The following EXPH5 variants were observed in gnomAD, a reference collection of about 807,000 sequenced individuals.
The protein encoded by EXPH5 is exophilin 5.
EXPH5 carries 42 observed loss-of-function variants against 41.1 expected under a neutral mutation model. That is an observed-to-expected ratio of 1.02 (90% CI 0.80 to 1.32). EXPH5 has a LOEUF of 1.32. Ranked by LOEUF, EXPH5 falls within the 40% of genes most tolerant of loss-of-function variation. The probability of loss-of-function intolerance (pLI) is 0.00; values close to 1 mark genes in which losing one functional copy is unlikely to be tolerated. For synonymous variants in EXPH5, 798 were observed against 833.5 expected (o/e 0.96, Z 0.73); for missense variants, 2,298 against 2,314.5 (o/e 0.99, Z 0.15).
At chr11:108,531,149 C>T (rs1443667790) in intron 3 of EXPH5, among the ~76,000 whole-genome samples, 2 of 152,198 alleles carry the variant, frequency 1.3e-5, no homozygotes, top group South Asian at 2.1e-4. Flanking sequence ...TCACCACCTC[C>T]AGTCATTCTG....
chr11:108,523,221 A>G (rs2093776559), intron 4 of EXPH5, among the ~76,000 whole-genome samples: 2 of 152,120 alleles, frequency 1.3e-5, no homozygotes, highest in Admixed American at 1.3e-4. Flanking sequence ...TATTTTTAAT[A>G]TACTTAAAAA....
chr11:108,538,976 T>C, intron 3 of EXPH5, 48 bp downstream of exon 3: 1 of 1,459,594 alleles, frequency 6.9e-7, no homozygotes, highest in Non-Finnish European at 9.2e-7. Flanking sequence ...TGCTGGCCTC[T>C]GATATCGGAT....
intron 1 of EXPH5, among the ~76,000 whole-genome samples, chr11:108,585,922 T>A (rs899057603): frequency 1.3e-5 from 2 of 152,316 alleles, no homozygotes; most frequent in African/African-American, 2.4e-5. Flanking sequence ...TATAAAGGAA[T>A]GAATTATTTA....
In EXPH5 at chr11:108,512,056, C is replaced by T; in HGVS notation, c.3451G>A (p.Glu1151Lys). 1.2e-6 allele frequency: 2 copies of T among 1,606,378 alleles called. No individual in the cohort carries two copies. Among genetic ancestry groups the T allele is most frequent in the Non-Finnish European group, 1.7e-6 (2 of 1,177,322 alleles). Residue 1151 changes from glutamate to lysine, a missense_variant, in exon 6 of 6, where the codon GAG becomes AAG. Glu to Lys is a moderately conservative substitution (Grantham distance 56, BLOSUM62 1). Transcript: ENST00000265843. ...CTCTCCCAAGCCCTTGGTGTTAGCT[C>T]AGAAGCATCCATGCCTGAGGTCAAT... ...KPLTSGMDAS[E>K]LTPRAWERII...
chr11:108,569,526 G>C (rs11212711), intron 1 of EXPH5, among the ~76,000 whole-genome samples: 64,533 of 151,806 alleles, frequency 0.43, 16,577 homozygotes, highest in Non-Finnish European at 0.59. Context: ...TTTGAGTAGA[G>C]ACAGGGGTTT....
chr11:108,541,804 T>G lies in EXPH5; in HGVS notation c.128A>C (p.Gln43Pro). 1 of 1,587,638 alleles carries G rather than the reference T, an allele frequency of 6.3e-7. No individual in the cohort carries two copies. The highest frequency in any genetic ancestry group is 1.7e-4 in the Middle Eastern group (1 of 5,888). Reference sequence around the variant, plus strand: ...CCATCTGATATCCCTCTTTGTCTTCTGAAGTTTGCTGAAATAAAATAAAAC... The same window carrying G: ...CCATCTGATATCCCTCTTTGTCTTCGGAAGTTTGCTGAAATAAAATAAAAC... ...RAEKDRISKL[Q>P]KTKRDIRWLQ... Residue 43 changes from glutamine (Q) to proline (P), a missense_variant, in exon 2 of 6, where the codon CAG (glutamine) becomes CCG (proline). Transcript: ENST00000265843.
intron 1 of EXPH5, among the ~76,000 whole-genome samples, chr11:108,566,352 G>A (rs2094034395): frequency 1.3e-5 from 2 of 152,152 alleles, no homozygotes; most frequent in Non-Finnish European, 2.9e-5. Context: ...GGTGTGCATG[G>A]AGGGGGGTGG....
At chr11:108,531,701 C>T (rs993643272) in intron 3 of EXPH5, among the ~76,000 whole-genome samples, 4 of 152,128 alleles carry the variant, frequency 2.6e-5, no homozygotes, top group African/African-American at 4.8e-5. Context: ...TGGGTGATTT[C>T]CCCCCAAGTG....
chr11:108,511,795 A>T lies in EXPH5; in HGVS notation c.3712T>A (p.Ser1238Thr), dbSNP rs1374150461. The change falls in exon 6 of 6, where the codon TCT becomes ACT. Residue 1238 changes from serine to threonine, a missense_variant. Transcript: ENST00000265843. ...KVKTTSTFSV[S>T]GDEDNVKCLE... ...CATTTTACATTATCTTCATCACCAG[A>T]AACAGAAAACGTACTAGTCGTCTTA... 4 of 1,609,630 alleles carry T rather than the reference A, an allele frequency of 2.5e-6. No individual in the cohort carries two copies. The highest frequency in any genetic ancestry group is 3.4e-6 in the Non-Finnish European group (4 of 1,179,010).
chr11:108,593,821 C>T, upstream of EXPH5: 1 of 1,379,192 alleles, frequency 7.3e-7, no homozygotes. Flanking sequence ...GCGGGCCCTC[C>T]CTTGTCCCCT....
the EXPH5 span, among the ~76,000 whole-genome samples, chr11:108,601,384 T>C: frequency 6.6e-6 from 1 of 152,114 alleles, no homozygotes. Flanking sequence ...ACTTAACATA[T>C]AAAGAAATAC....
In EXPH5 at chr11:108,573,756, AAT is replaced by A. The variant is rs373476114; in HGVS notation, c.119+19660_119+19661del. Reference sequence around the variant, plus strand: ...TTACATTAAAAATTAAGACGAAGTGAATATTACTCTAATCTCTAGATGAGAAG... The same window carrying A: ...TTACATTAAAAATTAAGACGAAGTGAATTACTCTAATCTCTAGATGAGAAG... On this transcript the variant is annotated intron_variant, in intron 1 of 5. Coordinates refer to ENST00000265843, the MANE Select transcript of EXPH5 (RefSeq NM_015065.3). Among the ~76,000 whole-genome samples the A allele has an allele frequency of 1.2e-4, 18 of 152,340 alleles. No individual in the cohort carries two copies. The South Asian group carries it at 3.7e-3, about 32-fold the overall frequency.
At chr11:108,593,842 CTCCCTCGTCTCGTCCCG>C (rs1209263516), upstream of EXPH5, 65 of 1,140,082 alleles carry the variant, frequency 5.7e-5, no homozygotes, top group Admixed American at 3.8e-4. Flanking sequence ...CCCTCGTCCC[CTCCCTCGTCTCGTCCCG>C]TCCCTCGTCC....
At chr11:108,517,425 C>A (rs1052857057) in intron 5 of EXPH5, among the ~76,000 whole-genome samples, 27 of 152,244 alleles carry the variant, frequency 1.8e-4, no homozygotes, top group Admixed American at 2.6e-4. Context: ...CGACTGCTGT[C>A]CCACACAATA....
chr11:108,532,339 GATATATATATATATAT>G (rs761444200), intron 3 of EXPH5, among the ~76,000 whole-genome samples: 42 of 23,436 alleles, frequency 1.8e-3, no homozygotes, highest in African/African-American at 2.9e-3. Context: ...CACCACACTG[GATATATATATATATAT>G]ATATATATAT....
intron 1 of EXPH5, among the ~76,000 whole-genome samples, chr11:108,566,004 G>A (rs1449903523): frequency 6.6e-6 from 1 of 152,198 alleles, no homozygotes; most frequent in Non-Finnish European, 1.5e-5. Flanking sequence ...ACCATAATGA[G>A]CACTTAAATG....
rs532240962 is a variant in EXPH5 at position 108,588,494 on chromosome 11, A to G, written c.119+4924T>C. On this transcript the variant is annotated intron_variant, in intron 1 of 5. Coordinates refer to ENST00000265843, the MANE Select transcript of EXPH5 (RefSeq NM_015065.3). ...GATTATGTACAGATGGAGTTCCCAA[A>G]TCGGACACTCCCTAGCAGTATTATC... 2.0e-5 allele frequency among the ~76,000 whole-genome samples: 3 copies of G among 152,314 alleles called. No individual in the cohort carries two copies. In the East Asian group the frequency reaches 5.8e-4, roughly 29 times the overall value.
intron 1 of EXPH5, among the ~76,000 whole-genome samples, chr11:108,560,475 C>T (rs1591739432): frequency 6.6e-6 from 1 of 152,268 alleles, no homozygotes; most frequent in African/African-American, 2.4e-5. Flanking sequence ...CACTCCACCT[C>T]ATCAGAAATT....
At chr11:108,537,906 C>T in intron 3 of EXPH5, 2 of 846,458 alleles carry the variant, frequency 2.4e-6, no homozygotes, top group Non-Finnish European at 2.8e-6. Context: ...ATTTTAAATC[C>T]CCCAAATGTG....
Sources: gnomAD v4.1 joint callset for allele counts (sites outside exome capture counted in the v4.1 genomes callset) on GRCh38, gnomAD v4.1.1 for gene constraint, MANE v1.5 for transcripts, NCBI Gene and HGNC (gene_info 2026-07-23, HGNC 2026-07-21) for gene names.